Variants in CTXND1 observed in about 807,000 individuals in gnomAD.
CTXND1 encodes the protein cortexin domain-containing 1 protein.
chr15:80,240,751 G>A (rs1018240836), intron 1 of CTXND1, among the ~76,000 whole-genome samples: 1 of 152,200 alleles, frequency 6.6e-6, no homozygotes, highest in Non-Finnish European at 1.5e-5. Flanking sequence ...AGTGGCAAAT[G>A]TCACATTCAA....
chr15:80,227,504 G>A (rs1331798770), intron 1 of CTXND1, among the ~76,000 whole-genome samples: 2 of 151,264 alleles, frequency 1.3e-5, no homozygotes, highest in Non-Finnish European at 3.0e-5. Flanking sequence ...TCATACGTTG[G>A]AGATATTGTG....
chr15:80,228,692 C>G (rs971756829), intron 1 of CTXND1, among the ~76,000 whole-genome samples: 1 of 148,730 alleles, frequency 6.7e-6, no homozygotes, highest in Non-Finnish European at 1.5e-5. Context: ...TGCAGTGGTG[C>G]GATCTTGGCT....
At chr15:80,238,809 A>C (rs1256609730) in intron 1 of CTXND1, among the ~76,000 whole-genome samples, 1 of 152,152 alleles carries the variant, frequency 6.6e-6, no homozygotes, top group Non-Finnish European at 1.5e-5. Flanking sequence ...AACAAGTTCT[A>C]CCATTGCCTA....
intron 1 of CTXND1, among the ~76,000 whole-genome samples, chr15:80,211,543 T>C (rs994403102): frequency 2.0e-5 from 3 of 151,984 alleles, no homozygotes; most frequent in African/African-American, 7.3e-5. Flanking sequence ...AACAGGCCTG[T>C]CAGGGGGAGG....
chr15:80,223,285 G>A lies in CTXND1; in HGVS notation c.-217-19545C>T, dbSNP rs149249294. The stretch of plus-strand genomic sequence containing the variant: ...TTGGTTAGGCTGGTCTTGAACTCCC[G>A]ACCTCAGGTGATCTGCCCGCTTCAG... On this transcript the variant is annotated intron_variant, in intron 1 of 2. Transcript: ENST00000560778. 0.026 allele frequency among the ~76,000 whole-genome samples: 3,912 copies of A among 152,196 alleles called. 328 individuals carry two copies. The East Asian group carries it at 0.28, about 11-fold the overall frequency.
At chr15:80,232,496 A>G (rs1893442352) in intron 1 of CTXND1, among the ~76,000 whole-genome samples, 1 of 152,228 alleles carries the variant, frequency 6.6e-6, no homozygotes, top group Non-Finnish European at 1.5e-5. Context: ...TAATGGAAAG[A>G]ATCAATCTTT....
chr15:80,202,087 C>A (rs1355590257), intron 2 of CTXND1, 73 bp from the exon 3 acceptor site: 1 of 397,064 alleles, frequency 2.5e-6, no homozygotes, highest in East Asian at 3.6e-5. Flanking sequence ...GGGCACCAAC[C>A]TCTGCTCCCT....
chr15:80,219,805 T>C (rs1893292540), intron 1 of CTXND1, among the ~76,000 whole-genome samples: 1 of 152,238 alleles, frequency 6.6e-6, no homozygotes, highest in Non-Finnish European at 1.5e-5. Flanking sequence ...TATAATTTTA[T>C]TGGGCATTTA....
At chr15:80,249,107 T>G (rs1452509087) in intron 1 of CTXND1, among the ~76,000 whole-genome samples, 1 of 152,110 alleles carries the variant, frequency 6.6e-6, no homozygotes, top group Non-Finnish European at 1.5e-5. Flanking sequence ...CATACCACCA[T>G]GCCTGGCTAA....
intron 1 of CTXND1, among the ~76,000 whole-genome samples, chr15:80,215,965 G>A (rs201290696): frequency 6.6e-6 from 1 of 152,130 alleles, no homozygotes; most frequent in East Asian, 1.9e-4. Flanking sequence ...ACAAATGTGC[G>A]GCCTCTCCCC....
rs1173053524 is a variant in CTXND1 at position 80,204,146 on chromosome 15, C to CAAAAAAA, written c.-217-413_-217-407dup. Reference sequence around the variant, plus strand: ...TGGGCGACAGAGCAAGACTGTGTCTCAAAAAAAAAAAAAAAAAAAAAAAAT... The same window carrying CAAAAAAA: ...TGGGCGACAGAGCAAGACTGTGTCTCAAAAAAAAAAAAAAAAAAAAAAAAAAAAAAAT... On this transcript the variant is annotated intron_variant, in intron 1 of 2. Transcript: ENST00000560778. Among the ~76,000 whole-genome samples, 2 of 2,148 alleles carry CAAAAAAA rather than the reference C, an allele frequency of 9.3e-4. 1 individual carries two copies. The highest frequency in any genetic ancestry group is 1.9e-3 in the Non-Finnish European group (2 of 1,076). 1.4% of individuals were successfully genotyped at this position (2,148 alleles called of 152,430 possible). A position where few individuals can be genotyped will look rare whatever the true frequency, so the allele number is the denominator to read the frequency against.
chr15:80,201,987 C>A lies in CTXND1; in HGVS notation c.-38G>T. The A allele has an allele frequency of 2.5e-6, 1 of 399,078 alleles. No individual in the cohort carries two copies. The highest frequency in any genetic ancestry group is 1.3e-4 in the South Asian group (1 of 7,834). 24.7% of individuals were successfully genotyped at this position (399,078 alleles called of 1,614,324 possible). On this transcript the variant is annotated 5_prime_UTR_variant, in exon 3 of 3. An upstream open reading frame in the 5' UTR gains an earlier in-frame stop. Coordinates refer to ENST00000560778, the MANE Select transcript of CTXND1 (RefSeq NM_001352888.2). Reference sequence around the variant, plus strand: ...ACTGCGGGCTGCTCCTCCTCCGCCTCGGGTTTGACTGGTACCATTTTCCAC... The same window carrying A: ...ACTGCGGGCTGCTCCTCCTCCGCCTAGGGTTTGACTGGTACCATTTTCCAC...
At chr15:80,228,332 T>C (rs62006355) in intron 1 of CTXND1, among the ~76,000 whole-genome samples, 3,351 of 152,354 alleles carry the variant, frequency 0.022, 56 homozygotes, top group South Asian at 0.038. Context: ...TAATGGCATC[T>C]AGAATGATAA....
chr15:80,225,654 TTC>T (rs1268127241), intron 1 of CTXND1, among the ~76,000 whole-genome samples: 1 of 152,242 alleles, frequency 6.6e-6, no homozygotes. Context: ...CTATGAATCT[TTC>T]TGTTTCATCC....
At chr15:80,234,227 G>A (rs936871455) in intron 1 of CTXND1, among the ~76,000 whole-genome samples, 10 of 152,312 alleles carry the variant, frequency 6.6e-5, no homozygotes, top group African/African-American at 2.4e-4. Context: ...GATACGGATT[G>A]ATTATGGAAA....
chr15:80,223,537 A>G (rs534795583), intron 1 of CTXND1, among the ~76,000 whole-genome samples: 1 of 152,270 alleles, frequency 6.6e-6, no homozygotes, highest in East Asian at 1.9e-4. Flanking sequence ...GTCTTTGTTT[A>G]TCTTTTGGTG....
chr15:80,211,246 C>T (rs1017556141), intron 1 of CTXND1, among the ~76,000 whole-genome samples: 6 of 152,280 alleles, frequency 3.9e-5, no homozygotes, highest in Middle Eastern at 3.4e-3. Flanking sequence ...TGAGAGAGCA[C>T]GCCACTTCTC....
chr15:80,218,412 T>G (rs1259187636), intron 1 of CTXND1, among the ~76,000 whole-genome samples: 5 of 152,218 alleles, frequency 3.3e-5, no homozygotes, highest in Non-Finnish European at 7.3e-5. Context: ...GTGCTGGGAT[T>G]ACAGGTGTGA....
At chr15:80,240,423 C>T (rs975352969) in intron 1 of CTXND1, among the ~76,000 whole-genome samples, 1 of 152,142 alleles carries the variant, frequency 6.6e-6, no homozygotes, top group South Asian at 2.1e-4. Context: ...TGGAACATGG[C>T]GTAGGTCCCC....
Sources: allele counts gnomAD v4.1 joint callset (sites outside exome capture counted in the v4.1 genomes callset), GRCh38; gene constraint gnomAD v4.1.1; transcripts MANE v1.5; gene names NCBI Gene and HGNC (gene_info 2026-07-23, HGNC 2026-07-21).